Variants in ICE2 observed in about 807,000 individuals in gnomAD.
ICE2 encodes little elongation complex subunit 2.
In ICE2, 87 loss-of-function variants were observed where a neutral mutation model predicts 105.4. That is an observed-to-expected ratio of 0.83 (90% CI 0.69 to 0.99). The LOEUF (loss-of-function observed/expected upper bound fraction) is 0.99. ICE2 is among the 50% of genes least tolerant of loss of function. ICE2 has a pLI of 0.00. For missense variants in ICE2, 1,323 were observed against 1,146.7 expected, an observed-to-expected ratio of 1.15 and a Z score of -2.22; for synonymous variants, 399 against 392.0, an observed-to-expected ratio of 1.02 and a Z score of -0.21.
At chr15:60,442,391 G>C in intron 12 of ICE2, 25 bp downstream of exon 12, 1 of 1,567,502 alleles carries the variant, frequency 6.4e-7, no homozygotes, top group Non-Finnish European at 8.6e-7. Flanking sequence ...TTAAAAAGGA[G>C]AATAAAGACT....
intron 13 of ICE2, among the ~76,000 whole-genome samples, chr15:60,432,474 G>A (rs1432643453): frequency 6.6e-6 from 1 of 151,912 alleles, no homozygotes; most frequent in African/African-American, 2.4e-5. Context: ...ACAGGCATGA[G>A]GCATGGGGTC....
At chr15:60,454,959 C>A (rs751791658) in intron 8 of ICE2, 44 bp downstream of exon 8, 3 of 1,492,670 alleles carry the variant, frequency 2.0e-6, no homozygotes, top group Non-Finnish European at 2.7e-6. Context: ...TGCAGTCCAA[C>A]TTCTCTTTTT....
chr15:60,436,140 TA>T lies in ICE2; in HGVS notation c.2510+2del. 1 of 1,339,646 alleles carries T rather than the reference TA, an allele frequency of 7.5e-7. No homozygotes were observed. Among genetic ancestry groups the T allele is most frequent in the Non-Finnish European group, 1.0e-6 (1 of 982,622 alleles). 83.0% of individuals were successfully genotyped at this position (1,339,646 alleles called of 1,614,324 possible). Reference sequence around the variant, plus strand: ...ATTCTCACCACAAAGTAAACTTTCTTACTTGAGTGCTGAAAGCTTTTCTTTT... The same window carrying T: ...ATTCTCACCACAAAGTAAACTTTCTTCTTGAGTGCTGAAAGCTTTTCTTTT... On this transcript the variant is annotated splice_donor_variant, in intron 13 of 15. Transcript: ENST00000261520. LOFTEE classifies it high-confidence loss of function.
intron 7 of ICE2, 49 bp downstream of exon 7, chr15:60,455,277 G>A (rs769573155): frequency 1.2e-5 from 18 of 1,545,932 alleles, no homozygotes; most frequent in Non-Finnish European, 1.6e-5. Flanking sequence ...TATATTTTGT[G>A]AGATATAAAA....
chr15:60,454,242 T>C (rs2064040055), intron 8 of ICE2, among the ~76,000 whole-genome samples: 1 of 152,234 alleles, frequency 6.6e-6, no homozygotes, highest in African/African-American at 2.4e-5. Flanking sequence ...AGTATGGACA[T>C]AATTTCTTAT....
Position 60,476,051 on chromosome 15 carries a change from T to C in ICE2, c.146+12A>G, listed in dbSNP as rs1247755052. ...TCAAATATGGAAATAAATAACCAAA[T>C]AAACATATTACCTGTTGGATAAAAC... On this transcript the variant is annotated intron_variant, in intron 3 of 15. Coordinates refer to ENST00000261520, the MANE Select transcript of ICE2 (RefSeq NM_024611.6). 4 of 1,515,310 alleles carry C rather than the reference T, an allele frequency of 2.6e-6. No individual in the cohort carries two copies. In the East Asian group the frequency reaches 6.9e-5, roughly 26 times the overall value. The allele number at this position is 1,515,310 out of a possible 1,614,324, so 93.9% of individuals were successfully genotyped here. A position where few individuals can be genotyped will look rare whatever the true frequency, so the allele number is the denominator to read the frequency against.
At chr15:60,448,185 T>G in intron 10 of ICE2, 40 bp from the exon 11 acceptor site, 1 of 1,299,264 alleles carries the variant, frequency 7.7e-7, no homozygotes, top group Non-Finnish European at 1.1e-6. Flanking sequence ...ATACATTAGC[T>G]CTTACCCATC....
At chr15:60,451,664 A>C (rs2063969144) in intron 9 of ICE2, 1 of 945,148 alleles carries the variant, frequency 1.1e-6, no homozygotes, top group African/African-American at 1.8e-5. Flanking sequence ...TCAGGGCCTG[A>C]AAACTCAGGC....
At chr15:60,473,510 C>T (rs765227201) in intron 3 of ICE2, among the ~76,000 whole-genome samples, 1 of 152,146 alleles carries the variant, frequency 6.6e-6, no homozygotes, top group Non-Finnish European at 1.5e-5. Context: ...TCAGGCTTGT[C>T]TTGAACTCCT....
intron 1 of ICE2, among the ~76,000 whole-genome samples, chr15:60,478,359 T>C (rs1031223273): frequency 1.3e-5 from 2 of 152,238 alleles, no homozygotes; most frequent in African/African-American, 2.4e-5. Context: ...CTTGATGGCA[T>C]GGAACGGGAA....
Position 60,456,548 on chromosome 15 carries a change from A to AAAAT in ICE2, c.666+105_666+108dup, listed in dbSNP as rs1253688809. ...GAGAGAGACTCTGTCTCCAAAAAAA[A>AAAAT]AAATAAATAAATAAATAAATATATA... On this transcript the variant is annotated intron_variant, in intron 6 of 15. Transcript: ENST00000261520. The AAAAT allele has an allele frequency of 1.5e-4, 11 of 75,762 alleles. 2 individuals carry two copies. The highest frequency in any genetic ancestry group is 2.0e-4 in the Non-Finnish European group (7 of 34,540). 4.7% of individuals were successfully genotyped at this position (75,762 alleles called of 1,614,324 possible).
intron 9 of ICE2, among the ~76,000 whole-genome samples, chr15:60,450,415 G>A (rs985183626): frequency 4.6e-5 from 7 of 152,124 alleles, no homozygotes; most frequent in African/African-American, 1.7e-4. Flanking sequence ...GTGGTTTATT[G>A]TATTCTGAGA....
chr15:60,434,832 T>C (rs746799666), intron 13 of ICE2, among the ~76,000 whole-genome samples: 2 of 152,170 alleles, frequency 1.3e-5, no homozygotes, highest in Non-Finnish European at 2.9e-5. Context: ...TTCAATACCA[T>C]AGTAGAGAAA....
chr15:60,459,802 AC>A, intron 5 of ICE2, among the ~76,000 whole-genome samples: 1 of 152,322 alleles, frequency 6.6e-6, no homozygotes, highest in East Asian at 1.9e-4. Context: ...AAGAGTAACC[AC>A]TAAGAGAACA....
At chr15:60,445,540 T>A in intron 11 of ICE2, 1 of 954,510 alleles carries the variant, frequency 1.0e-6, no homozygotes, top group African/African-American at 1.8e-5. Context: ...TATTCTGAGT[T>A]TGACACAATC....
At chr15:60,470,762 T>C (rs1467566784) in intron 3 of ICE2, among the ~76,000 whole-genome samples, 2 of 152,238 alleles carry the variant, frequency 1.3e-5, no homozygotes, top group African/African-American at 2.4e-5. Flanking sequence ...TATCTCATAA[T>C]GCAGTAGTCT....
chr15:60,433,060 G>A (rs1281606776), intron 13 of ICE2, among the ~76,000 whole-genome samples: 1 of 152,022 alleles, frequency 6.6e-6, no homozygotes, highest in Non-Finnish European at 1.5e-5. Flanking sequence ...ACTCGGGACA[G>A]GATAGCTAAA....
chr15:60,467,936 C>T (rs1379908436), intron 4 of ICE2, 125 bp downstream of exon 4: 2 of 859,980 alleles, frequency 2.3e-6, no homozygotes, highest in Non-Finnish European at 3.4e-6. Flanking sequence ...ATTGCTCTCT[C>T]AATCTCCTTA....
At position 60,466,698 on chromosome 15, in the gene ICE2, CAT is replaced by C. The variant is rs757311387; in HGVS notation, c.422_423del (p.His141ArgfsTer7). The C allele has an allele frequency of 1.1e-5, 17 of 1,602,804 alleles. No individual in the cohort carries two copies. The African/African-American group carries it at 1.5e-4, about 14-fold the overall frequency. ...AGGAACTCAGTAACTTCTTCGTTCA[CAT>C]GTTTTTTCATATCCTGATTTTTAAA... The part of the protein sequence containing the change: ...DYLQYLDMKK[H>X]VNEEVTEFLK... On this transcript the variant is annotated frameshift_variant, in exon 5 of 16. Coordinates refer to ENST00000261520, the MANE Select transcript of ICE2 (RefSeq NM_024611.6). LOFTEE classifies it high-confidence loss of function.
Sources: gnomAD v4.1 joint callset for allele counts (sites outside exome capture counted in the v4.1 genomes callset) on GRCh38, gnomAD v4.1.1 for gene constraint, MANE v1.5 for transcripts, NCBI Gene and HGNC (gene_info 2026-07-23, HGNC 2026-07-21) for gene names.